The following TRIM24 variants were observed in gnomAD, a reference collection of about 807,000 sequenced individuals.
The protein encoded by TRIM24 is transcription intermediary factor 1-alpha.
TRIM24 carries 29 observed loss-of-function variants against 123.9 expected under a neutral mutation model. The observed-to-expected ratio is 0.23, with a 90% CI of 0.17 to 0.32. TRIM24 has a LOEUF of 0.32. Among genes scored for constraint, TRIM24 ranks in the 10% least tolerant of loss-of-function variants. The pLI, the probability that TRIM24 is intolerant of heterozygous loss-of-function variation, is 1.00. For missense variants in TRIM24, 932 were observed against 1,295.3 expected (o/e 0.72, Z 4.31); for synonymous variants, 456 against 461.1 (o/e 0.99, Z 0.14).
chr7:138,577,634 G>A, intron 14 of TRIM24, 46 bp downstream of exon 14: 4 of 1,428,490 alleles, frequency 2.8e-6, no homozygotes, highest in Non-Finnish European at 3.7e-6. Context: ...TGGTGGGTAG[G>A]GTGAGAGAAT....
rs1798000371 is a variant in TRIM24 at position 138,585,623 on chromosome 7, T to C, written c.*672T>C. On this transcript the variant is annotated 3_prime_UTR_variant, in exon 19 of 19. Coordinates refer to ENST00000343526, the MANE Select transcript of TRIM24 (RefSeq NM_015905.3). Reference sequence around the variant, plus strand: ...TTTGTTTTTGTTTTTATCTTGTCTGTAGAGGTATTTTGGTATAGCAGGTTT... The same window carrying C: ...TTTGTTTTTGTTTTTATCTTGTCTGCAGAGGTATTTTGGTATAGCAGGTTT... The C allele has an allele frequency of 2.8e-6, 1 of 357,718 alleles. No individual in the cohort carries two copies. The highest frequency in any genetic ancestry group is 2.4e-5 in the South Asian group (1 of 41,272). 22.2% of individuals were successfully genotyped at this position (357,718 alleles called of 1,614,324 possible).
At chr7:138,530,169 C>G (rs976037738) in intron 6 of TRIM24, among the ~76,000 whole-genome samples, 1 of 151,566 alleles carries the variant, frequency 6.6e-6, no homozygotes, top group Non-Finnish European at 1.5e-5. Flanking sequence ...AGGAAGTATT[C>G]TGGGCAGGAA....
intron 2 of TRIM24, among the ~76,000 whole-genome samples, chr7:138,509,121 T>C (rs1796230031): frequency 6.6e-6 from 1 of 151,732 alleles, no homozygotes; most frequent in Non-Finnish European, 1.5e-5. Context: ...GCTAATTTTT[T>C]GTATTTTTAG....
intron 1 of TRIM24, among the ~76,000 whole-genome samples, chr7:138,479,664 C>A (rs1301262120): frequency 1.4e-5 from 2 of 145,700 alleles, no homozygotes; most frequent in East Asian, 3.9e-4. Flanking sequence ...AGGCATGTGA[C>A]GCCTGGCTAA....
chr7:138,549,547 A>G (rs920586281), intron 7 of TRIM24, among the ~76,000 whole-genome samples: 5 of 152,218 alleles, frequency 3.3e-5, no homozygotes, highest in Non-Finnish European at 7.3e-5. Context: ...AATGAAAAAA[A>G]GCATTTCCAC....
intron 1 of TRIM24, among the ~76,000 whole-genome samples, chr7:138,479,372 T>TTTC (rs566570769): frequency 7.2e-5 from 11 of 152,058 alleles, no homozygotes; most frequent in Admixed American, 6.5e-4. Flanking sequence ...ACCTTTTTTT[T>TTTC]TTCTTCTTCT....
intron 1 of TRIM24, among the ~76,000 whole-genome samples, chr7:138,470,639 T>C (rs1051923943): frequency 1.4e-4 from 22 of 152,196 alleles, no homozygotes; most frequent in African/African-American, 5.3e-4. Flanking sequence ...AGTTGTAGGA[T>C]ATAGGGTACA....
chr7:138,508,672 T>TGTGTGTGTGC (rs1554436575), intron 2 of TRIM24, among the ~76,000 whole-genome samples: 4 of 55,928 alleles, frequency 7.2e-5, no homozygotes, highest in African/African-American at 2.4e-4. Context: ...AGTGTGTGTG[T>TGTGTGTGTGC]GTGTGTGTGT....
chr7:138,569,701 A>G (rs1477827205), intron 10 of TRIM24, among the ~76,000 whole-genome samples: 2 of 152,202 alleles, frequency 1.3e-5, no homozygotes, highest in Admixed American at 6.5e-5. Flanking sequence ...TGTAGTTTCT[A>G]CAATGGAATA....
chr7:138,461,213 G>T, intron 1 of TRIM24: 1 of 651,184 alleles, frequency 1.5e-6, no homozygotes, highest in South Asian at 1.4e-5. Flanking sequence ...GACCTCTGTC[G>T]GAGTCTCCTG....
At chr7:138,486,039 G>T (rs7797633) in intron 1 of TRIM24, among the ~76,000 whole-genome samples, 3,313 of 152,220 alleles carry the variant, frequency 0.022, 106 homozygotes, top group African/African-American at 0.076. Context: ...ATTCTAACTG[G>T]TGTGAGATGG....
intron 1 of TRIM24, among the ~76,000 whole-genome samples, chr7:138,501,978 A>G (rs957619326): frequency 1.4e-4 from 21 of 152,122 alleles, no homozygotes; most frequent in Non-Finnish European, 2.5e-4. Context: ...TTGTTTTTCT[A>G]GTACTGAAAA....
intron 12 of TRIM24, among the ~76,000 whole-genome samples, 157 bp from the exon 13 acceptor site, chr7:138,576,206 GTGTAACAGGC>G (rs2116681445): frequency 6.6e-6 from 1 of 152,330 alleles, no homozygotes; most frequent in South Asian, 2.1e-4. Context: ...AACCCTGCCG[GTGTAACAGGC>G]TGTAACAGAC....
chr7:138,547,688 T>C (rs1797129098), intron 7 of TRIM24, among the ~76,000 whole-genome samples: 1 of 152,186 alleles, frequency 6.6e-6, no homozygotes, highest in South Asian at 2.1e-4. Context: ...TTTATTTATG[T>C]TTTTAGAGAC....
chr7:138,523,157 A>G (rs950221620), intron 4 of TRIM24, among the ~76,000 whole-genome samples: 4 of 152,182 alleles, frequency 2.6e-5, no homozygotes, highest in Non-Finnish European at 5.9e-5. Context: ...GTAAATAATC[A>G]ACAATTCTCT....
rs1797561120 is a variant in TRIM24 at position 138,567,576 on chromosome 7, A to C, written c.1626A>C (p.Pro542=). The part of the protein sequence containing the change: ...PPHPQQLRYP[P]NQNIPRQAIK... ...ATCCTCAACAACTGAGATATCCACC[A>C]AACCAGAACATACCACGACAAGCAA... Residue 542 remains proline, a synonymous_variant, in exon 10 of 19, where the codon CCA becomes CCC. Transcript: ENST00000343526. 1 of 1,613,878 alleles carries C rather than the reference A, an allele frequency of 6.2e-7. No homozygotes were observed. Among genetic ancestry groups the C allele is most frequent in the Non-Finnish European group, 8.5e-7 (1 of 1,179,956 alleles).
intron 1 of TRIM24, among the ~76,000 whole-genome samples, chr7:138,502,437 G>A (rs897856580): frequency 6.6e-6 from 1 of 152,174 alleles, no homozygotes; most frequent in Non-Finnish European, 1.5e-5. Flanking sequence ...TGAAAAAGAG[G>A]CTCAAAAAGA....
chr7:138,582,607 G>C (rs1349870246), intron 17 of TRIM24, among the ~76,000 whole-genome samples: 1 of 151,178 alleles, frequency 6.6e-6, no homozygotes, highest in Non-Finnish European at 1.5e-5. Context: ...GAAAGGGCCT[G>C]GTACCCCAAA....
At chr7:138,517,938 A>G (rs1038222421) in intron 3 of TRIM24, among the ~76,000 whole-genome samples, 6 of 152,216 alleles carry the variant, frequency 3.9e-5, no homozygotes, top group African/African-American at 1.4e-4. Context: ...AATACAGTTA[A>G]TAGCCACTCT....
Sources: gnomAD v4.1 joint callset for allele counts (sites outside exome capture counted in the v4.1 genomes callset) on GRCh38, gnomAD v4.1.1 for gene constraint, MANE v1.5 for transcripts, NCBI Gene and HGNC (gene_info 2026-07-23, HGNC 2026-07-21) for gene names.